Variants in EMB observed in about 807,000 individuals in gnomAD.
The protein encoded by EMB is embigin homolog.
A neutral mutation model predicts 41.4 loss-of-function variants in EMB; 31 were observed. The observed-to-expected ratio is 0.75, with a 90% CI of 0.56 to 1.01. EMB has a LOEUF of 1.01. Among genes scored for constraint, EMB ranks in the 50% least tolerant of loss-of-function variants. EMB has a pLI of 0.00. For synonymous variants in EMB, 137 were observed against 140.4 expected, an observed-to-expected ratio of 0.98 and a Z score of 0.17; for missense variants, 379 against 388.3, an observed-to-expected ratio of 0.98 and a Z score of 0.20.
Position 50,435,544 on chromosome 5 carries a change from T to C in EMB, c.112+5496A>G, listed in dbSNP as rs375792277. On this transcript the variant is annotated intron_variant, in intron 1 of 8. Coordinates refer to ENST00000303221, the MANE Select transcript of EMB (RefSeq NM_198449.3). The stretch of plus-strand genomic sequence containing the variant: ...CAGTTCTGCTCTAATATGATTATAT[T>C]TGAGGTAGGCATCTTTGGCAGGAAG... 7.6e-4 allele frequency among the ~76,000 whole-genome samples: 115 copies of C among 152,294 alleles called. 6 individuals are homozygous for C. The South Asian group carries it at 0.023, about 30-fold the overall frequency.
At chr5:50,402,170 A>T in intron 7 of EMB, 116 bp downstream of exon 7, 4 of 1,068,238 alleles carry the variant, frequency 3.7e-6, no homozygotes, top group Non-Finnish European at 5.7e-6. Flanking sequence ...CCACGTGGAC[A>T]TATACAGAAA....
intron 2 of EMB, among the ~76,000 whole-genome samples, chr5:50,420,010 C>T (rs1296155758): frequency 6.8e-6 from 1 of 146,438 alleles, no homozygotes; most frequent in Non-Finnish European, 1.5e-5. Context: ...AGGGGAACAA[C>T]ACACATAGGG....
intron 4 of EMB, among the ~76,000 whole-genome samples, chr5:50,407,822 G>A (rs1323180902): frequency 1.3e-5 from 2 of 151,906 alleles, no homozygotes; most frequent in African/African-American, 2.4e-5. Flanking sequence ...GTTTGAAGGT[G>A]GTGAAATTGC....
At chr5:50,417,714 C>G (rs546347857) in intron 2 of EMB, among the ~76,000 whole-genome samples, 23 of 152,282 alleles carry the variant, frequency 1.5e-4, no homozygotes, top group Admixed American at 1.0e-3. Context: ...GACCTATGAA[C>G]TATGTGGCTG....
At chr5:50,440,970 C>T (rs1356144793) in intron 1 of EMB, 70 bp downstream of exon 1, 3 of 1,150,826 alleles carry the variant, frequency 2.6e-6, no homozygotes, top group Non-Finnish European at 2.2e-6. Context: ...CGGCGATGCC[C>T]TCTGCCCGCG....
chr5:50,436,592 A>G (rs961269291), intron 1 of EMB, among the ~76,000 whole-genome samples: 11 of 152,230 alleles, frequency 7.2e-5, no homozygotes, highest in African/African-American at 2.6e-4. Flanking sequence ...TCCTGCACAA[A>G]AGCCTTGTTA....
chr5:50,418,224 G>A lies in EMB; in HGVS notation c.197-6841C>T, dbSNP rs556582727. On this transcript the variant is annotated intron_variant, in intron 2 of 8. Transcript: ENST00000303221. ...GAAAACTATAGTAAATGGTTACACTGTTTTAGTAACCAAATACATTTGTTG... is the reference window on the plus strand; with the variant it reads ...GAAAACTATAGTAAATGGTTACACTATTTTAGTAACCAAATACATTTGTTG... 7.2e-5 allele frequency among the ~76,000 whole-genome samples: 11 copies of A among 152,320 alleles called. No individual in the cohort carries two copies. The South Asian group carries it at 2.1e-3, about 29-fold the overall frequency.
At chr5:50,437,862 A>T (rs1386923338) in intron 1 of EMB, among the ~76,000 whole-genome samples, 2 of 152,220 alleles carry the variant, frequency 1.3e-5, no homozygotes, top group African/African-American at 2.4e-5. Flanking sequence ...AAAGATAAAC[A>T]TGACCCATTT....
chr5:50,434,913 C>T (rs1296725521), intron 1 of EMB, among the ~76,000 whole-genome samples: 5 of 152,154 alleles, frequency 3.3e-5, no homozygotes, highest in African/African-American at 9.7e-5. Context: ...TAATTTCTAA[C>T]GTTCACCTTA....
chr5:50,428,103 C>CT (rs759791096), intron 2 of EMB, 41 bp downstream of exon 2: 4 of 1,459,230 alleles, frequency 2.7e-6, no homozygotes, highest in East Asian at 2.3e-5. Context: ...TGCTTAAACC[C>CT]TTTTTTTCGA....
chr5:50,399,821 T>C (rs566056464), intron 8 of EMB, 38 bp downstream of exon 8: 20 of 1,525,478 alleles, frequency 1.3e-5, no homozygotes, highest in Non-Finnish European at 1.5e-5. Context: ...ATATTGAATT[T>C]GACCTTTTAT....
chr5:50,433,120 T>C (rs1247518629), intron 1 of EMB, among the ~76,000 whole-genome samples: 3 of 151,944 alleles, frequency 2.0e-5, no homozygotes, highest in Non-Finnish European at 2.9e-5. Context: ...GATGGGAACA[T>C]TTATAAGTCA....
chr5:50,432,347 T>TG (rs1000108700), intron 1 of EMB, among the ~76,000 whole-genome samples: 1 of 152,186 alleles, frequency 6.6e-6, no homozygotes, highest in African/African-American at 2.4e-5. Flanking sequence ...GCTATCAACA[T>TG]GCAGTACTTA....
rs1745333449 is a variant in EMB, at chr5:50,411,307, T to C, written c.273A>G (p.Thr91=). Residue 91 remains threonine (T), a synonymous_variant, in exon 3 of 9, where the codon ACA becomes ACG. Coordinates refer to ENST00000303221, the MANE Select transcript of EMB (RefSeq NM_198449.3). The part of the protein sequence containing the change: ...PSNVNLTCQF[T]TSGDLNAVNV... ...TTACTGCATTCAAATCCCCAGATGT[T>C]GTGAACTGGCATGTGAGATTTACAT... 3 of 1,613,258 alleles carry C rather than the reference T, an allele frequency of 1.9e-6. No homozygotes were observed. Among genetic ancestry groups the C allele is most frequent in the Non-Finnish European group, 2.5e-6 (3 of 1,179,476 alleles).
intron 1 of EMB, among the ~76,000 whole-genome samples, chr5:50,434,354 T>C (rs1185341408): frequency 6.6e-6 from 1 of 152,248 alleles, no homozygotes; most frequent in Non-Finnish European, 1.5e-5. Context: ...AATGGCCCTG[T>C]GGCCCTAAAT....
chr5:50,417,662 AT>A (rs1485563395), intron 2 of EMB, among the ~76,000 whole-genome samples: 1 of 152,218 alleles, frequency 6.6e-6, no homozygotes, highest in Non-Finnish European at 1.5e-5. Flanking sequence ...ACTTTTTTAT[AT>A]GTATATAAAA....
At chr5:50,438,959 C>T (rs1243168295) in intron 1 of EMB, among the ~76,000 whole-genome samples, 2 of 151,340 alleles carry the variant, frequency 1.3e-5, no homozygotes, top group Admixed American at 1.3e-4. Flanking sequence ...AACCCTGACG[C>T]CTATGGAATA....
At chr5:50,425,076 C>T (rs1745587684) in intron 2 of EMB, among the ~76,000 whole-genome samples, 1 of 152,148 alleles carries the variant, frequency 6.6e-6, no homozygotes, top group African/African-American at 2.4e-5. Context: ...GCATTGGAGT[C>T]ATGCTAGAAT....
intron 2 of EMB, among the ~76,000 whole-genome samples, chr5:50,419,048 C>G (rs1367204686): frequency 6.6e-6 from 1 of 152,150 alleles, no homozygotes; most frequent in Non-Finnish European, 1.5e-5. Flanking sequence ...AAGTGGTAAT[C>G]ATAGTACCAG....
Sources: allele counts gnomAD v4.1 joint callset (sites outside exome capture counted in the v4.1 genomes callset), GRCh38; gene constraint gnomAD v4.1.1; transcripts MANE v1.5; gene names NCBI Gene and HGNC (gene_info 2026-07-23, HGNC 2026-07-21).